TBC1D4: variants seen among roughly 807,000 people sequenced by gnomAD.
The protein encoded by TBC1D4 is TBC1 domain family member 4, also known as TBC (Tre-2, BUB2, CDC16) domain-containing protein.
In TBC1D4, 121 loss-of-function variants were observed where a neutral mutation model predicts 142.5. The ratio of observed to expected loss-of-function variants is 0.85; its 90% CI spans 0.73 to 0.99. The LOEUF (loss-of-function observed/expected upper bound fraction) is 0.99. TBC1D4 is among the 50% of genes least tolerant of loss of function. The pLI, the probability that TBC1D4 is intolerant of heterozygous loss-of-function variation, is 0.00. For synonymous variants in TBC1D4, 630 were observed against 628.2 expected, an observed-to-expected ratio of 1.00 and a Z score of -0.04; for missense variants, 1,475 against 1,606.6, an observed-to-expected ratio of 0.92 and a Z score of 1.40.
chr13:75,462,080 C>T (rs1016398190), intron 1 of TBC1D4, among the ~76,000 whole-genome samples: 5 of 152,196 alleles, frequency 3.3e-5, no homozygotes, highest in African/African-American at 1.2e-4. Flanking sequence ...GATTAAAACA[C>T]TGTGACAACT....
chr13:75,367,902 G>A (rs540886528), intron 1 of TBC1D4, among the ~76,000 whole-genome samples: 1 of 152,264 alleles, frequency 6.6e-6, no homozygotes, highest in South Asian at 2.1e-4. Context: ...AAGATATATA[G>A]ATGCCAAGTA....
chr13:75,360,229 C>T lies in TBC1D4; in HGVS notation c.1081-371G>A, dbSNP rs1882393109. ...ATCATACTTTCTTCTAAATGGTCAG[C>T]AAAAGGATGTATCTGTAATTGGGCT... is the stretch of plus-strand genomic sequence containing the variant. On this transcript the variant is annotated intron_variant, in intron 2 of 20. Coordinates refer to ENST00000377636, the MANE Select transcript of TBC1D4 (RefSeq NM_014832.5). Among the ~76,000 whole-genome samples the T allele has an allele frequency of 1.3e-5, 2 of 151,982 alleles. 1 individual carries two copies. The highest frequency in any genetic ancestry group is 4.2e-4 in the South Asian group (2 of 4,804).
At chr13:75,403,798 C>CA (rs1193663386) in intron 1 of TBC1D4, among the ~76,000 whole-genome samples, 7 of 152,022 alleles carry the variant, frequency 4.6e-5, no homozygotes, top group Non-Finnish European at 7.4e-5. Context: ...AGAAAACTCA[C>CA]AAGAAAAACA....
At chr13:75,460,281 A>C (rs553343601) in intron 1 of TBC1D4, among the ~76,000 whole-genome samples, 19 of 152,348 alleles carry the variant, frequency 1.2e-4, no homozygotes, top group Admixed American at 4.6e-4. Flanking sequence ...TCAACAATAA[A>C]AATACTCTGT....
intron 19 of TBC1D4, among the ~76,000 whole-genome samples, chr13:75,290,175 T>C (rs1376023781): frequency 6.6e-6 from 1 of 152,130 alleles, no homozygotes; most frequent in African/African-American, 2.4e-5. Context: ...TACAACTTTA[T>C]ATATTTTTAT....
Position 75,472,199 on chromosome 13 carries a change from C to T in TBC1D4, c.498+9071G>A, listed in dbSNP as rs1593923569. ...CAGCATTTTGGGAGGCTGAAGTGGT[C>T]GGATCATGAGGTCAAGAGAGAACAG... On this transcript the variant is annotated intron_variant, in intron 1 of 20. Transcript: ENST00000377636. Among the ~76,000 whole-genome samples the T allele has an allele frequency of 3.3e-5, 5 of 151,278 alleles. No homozygotes were observed. The South Asian group carries it at 1.0e-3, about 32-fold the overall frequency.
intron 1 of TBC1D4, among the ~76,000 whole-genome samples, chr13:75,450,530 G>A (rs1258821527): frequency 2.6e-5 from 4 of 152,044 alleles, no homozygotes; most frequent in Non-Finnish European, 5.9e-5. Context: ...TGGTAACTTT[G>A]ACCTCTTTTT....
chr13:75,416,934 G>C (rs111377603), intron 1 of TBC1D4, among the ~76,000 whole-genome samples: 1,661 of 152,292 alleles, frequency 0.011, 33 homozygotes, highest in African/African-American at 0.037. Flanking sequence ...GGCAGGGAAG[G>C]TCAAACTGCC....
intron 1 of TBC1D4, among the ~76,000 whole-genome samples, chr13:75,408,801 T>C (rs767740918): frequency 5.3e-5 from 8 of 152,216 alleles, no homozygotes; most frequent in Admixed American, 1.3e-4. Flanking sequence ...ATGATTTTGA[T>C]TTTCACTTCT....
intron 1 of TBC1D4, among the ~76,000 whole-genome samples, chr13:75,469,599 T>C (rs1888314627): frequency 6.6e-6 from 1 of 152,048 alleles, no homozygotes; most frequent in African/African-American, 2.4e-5. Flanking sequence ...AGCCAAACCC[T>C]ATCTCTACAA....
rs1883718060 is a variant in TBC1D4 at position 75,379,885 on chromosome 13, C to CTTTTTTTTTTTTTTTTTTT, written c.499-17279_499-17278insAAAAAAAAAAAAAAAAAAA. ...AAGTATATCAGTTTTGTTCATCTGA[C>CTTTTTTTTTTTTTTTTTTT]TCTTTTTTTTTTTTTTTTTTTTTTT... On this transcript the variant is annotated intron_variant, in intron 1 of 20. Coordinates refer to ENST00000377636, the MANE Select transcript of TBC1D4 (RefSeq NM_014832.5). Among the ~76,000 whole-genome samples, 5 of 98,536 alleles carry CTTTTTTTTTTTTTTTTTTT rather than the reference C, an allele frequency of 5.1e-5. 2 individuals are homozygous for CTTTTTTTTTTTTTTTTTTT. Among genetic ancestry groups the CTTTTTTTTTTTTTTTTTTT allele is most frequent in the Non-Finnish European group, 4.0e-5 (2 of 50,102 alleles). 64.6% of individuals were successfully genotyped at this position (98,536 alleles called of 152,430 possible). A position where few individuals can be genotyped will look rare whatever the true frequency, so the allele number is the denominator to read the frequency against.
At chr13:75,384,289 A>T (rs1884043349) in intron 1 of TBC1D4, among the ~76,000 whole-genome samples, 1 of 151,948 alleles carries the variant, frequency 6.6e-6, no homozygotes, top group Non-Finnish European at 1.5e-5. Flanking sequence ...TATAGAAATT[A>T]GCTGGGCATG....
chr13:75,482,059 T>G lies in TBC1D4; in HGVS notation c.-292A>C. The G allele has an allele frequency of 3.1e-6, 1 of 318,738 alleles. No individual in the cohort carries two copies. Among genetic ancestry groups the G allele is most frequent in the Non-Finnish European group, 5.7e-6 (1 of 176,890 alleles). 19.7% of individuals were successfully genotyped at this position (318,738 alleles called of 1,614,324 possible). ...TGGCGCCTCGGGCAGGACCTCCCCT[T>G]CCTCCGTCGCGGGTTTGCAGGGTCA... On this transcript the variant is annotated 5_prime_UTR_variant, in exon 1 of 21. Transcript: ENST00000377636.
At position 75,481,568 on chromosome 13, in the gene TBC1D4, T is replaced by A. The variant is rs892077178; in HGVS notation, c.200A>T (p.Gln67Leu). 1 of 1,599,632 alleles carries A rather than the reference T, an allele frequency of 6.3e-7. No homozygotes were observed. The highest frequency in any genetic ancestry group is 8.5e-7 in the Non-Finnish European group (1 of 1,173,460). The change falls in exon 1 of 21, where the codon CAG (glutamine) becomes CTG (leucine). Residue 67 changes from glutamine to leucine, a missense_variant. Around this residue, in one of 2 missense-constraint regions of TBC1D4, gnomAD observed 1,227 missense variants for 1,267.7 expected, o/e 0.97. Transcript: ENST00000377636. The part of the protein sequence containing the change: ...WLMAEIRRRS[Q>L]KPEAGGCGAP... ...CCCGCAGCCGCCCGCCTCGGGCTTC[T>A]GGCTGCGCCTGCGGATCTCGGCCAT...
At chr13:75,354,347 G>A (rs766953560) in intron 4 of TBC1D4, among the ~76,000 whole-genome samples, 3 of 152,208 alleles carry the variant, frequency 2.0e-5, no homozygotes, top group South Asian at 2.1e-4. Context: ...GATTAAGCCA[G>A]TGGCAGGACG....
intron 9 of TBC1D4, among the ~76,000 whole-genome samples, chr13:75,327,337 G>T (rs934101325): frequency 6.6e-6 from 1 of 152,058 alleles, no homozygotes; most frequent in Non-Finnish European, 1.5e-5. Context: ...CCAACCTACC[G>T]AGAGTTGTCA....
chr13:75,481,314 A>C lies in TBC1D4; in HGVS notation c.454T>G (p.Ser152Ala). 6.2e-7 allele frequency: 1 copy of C among 1,613,328 alleles called. No homozygotes were observed. The highest frequency in any genetic ancestry group is 8.5e-7 in the Non-Finnish European group (1 of 1,179,616). ...CGGAAAACGTGGCAGGCCATCTGCGACTCGGGGTCGTCGGGCTGCGCCTTG... is the reference window on the plus strand; with the variant it reads ...CGGAAAACGTGGCAGGCCATCTGCGCCTCGGGGTCGTCGGGCTGCGCCTTG... ...LIKAQPDDPESQMACHVFRAT... is the reference protein window; with the variant it reads ...LIKAQPDDPEAQMACHVFRAT... Residue 152 changes from serine to alanine, a missense_variant, in exon 1 of 21, where the codon TCG (serine) becomes GCG (alanine). This residue lies in a region of TBC1D4 where 1,227 missense variants were observed against 1,267.7 expected (regional missense o/e 0.97). Coordinates refer to ENST00000377636, the MANE Select transcript of TBC1D4 (RefSeq NM_014832.5).
At chr13:75,414,375 G>T (rs561197407) in intron 1 of TBC1D4, among the ~76,000 whole-genome samples, 1 of 152,320 alleles carries the variant, frequency 6.6e-6, no homozygotes, top group East Asian at 1.9e-4. Flanking sequence ...TGCCTACAAA[G>T]TCAGACTGAG....
intron 7 of TBC1D4, among the ~76,000 whole-genome samples, chr13:75,338,715 C>T (rs1880426311): frequency 1.3e-5 from 2 of 152,302 alleles, no homozygotes; most frequent in South Asian, 4.1e-4. Context: ...TTACTCATCA[C>T]CTCAAATTCC....
Sources: gnomAD v4.1 joint callset for allele counts (sites outside exome capture counted in the v4.1 genomes callset) on GRCh38, gnomAD v4.1.1 for gene constraint, gnomAD v4.1.1 regional missense constraint, MANE v1.5 for transcripts, NCBI Gene and HGNC (gene_info 2026-07-23, HGNC 2026-07-21) for gene names.